The following PTPRD variants were observed in gnomAD, a reference collection of about 807,000 sequenced individuals.
PTPRD encodes the protein receptor-type tyrosine-protein phosphatase delta.
In PTPRD, 34 loss-of-function variants were observed where a neutral mutation model predicts 214.5. The observed-to-expected ratio is 0.16, with a 90% CI of 0.12 to 0.21. The LOEUF (loss-of-function observed/expected upper bound fraction) is 0.21, where lower values mean the gene tolerates loss of function less well. Ranked by LOEUF, PTPRD falls within the 10% of genes least tolerant of loss-of-function variation. The pLI, the probability that PTPRD is intolerant of heterozygous loss-of-function variation, is 1.00. For missense variants in PTPRD, 2,545 were observed against 2,398.7 expected (o/e 1.06, Z -1.27); for synonymous variants, 1,128 against 845.7 (o/e 1.33, Z -5.79).
At chr9:10,443,767 G>A (rs2098778205) in intron 2 of PTPRD, among the ~76,000 whole-genome samples, 2 of 150,838 alleles carry the variant, frequency 1.3e-5, no homozygotes, top group South Asian at 4.2e-4. Context: ...ATTTCATAAA[G>A]TGCCTGGCTT....
intron 8 of PTPRD, among the ~76,000 whole-genome samples, chr9:9,522,903 G>C (rs1392631999): frequency 2.6e-5 from 4 of 152,064 alleles, no homozygotes; most frequent in Non-Finnish European, 4.4e-5. Context: ...TTTACAACCT[G>C]AAAACACAGC....
At chr9:10,195,584 T>G (rs1176283089) in intron 3 of PTPRD, among the ~76,000 whole-genome samples, 1 of 152,202 alleles carries the variant, frequency 6.6e-6, no homozygotes, top group Non-Finnish European at 1.5e-5. Flanking sequence ...GGCTCACGCC[T>G]GTGATCCCAG....
At chr9:10,387,182 T>G (rs1013847684) in intron 2 of PTPRD, among the ~76,000 whole-genome samples, 1 of 151,864 alleles carries the variant, frequency 6.6e-6, no homozygotes, top group African/African-American at 2.4e-5. Flanking sequence ...GGTAATAAAT[T>G]TGTGTTGTTT....
At chr9:10,208,358 C>A (rs2099495658) in intron 3 of PTPRD, among the ~76,000 whole-genome samples, 1 of 152,178 alleles carries the variant, frequency 6.6e-6, no homozygotes, top group South Asian at 2.1e-4. Context: ...ACTAAAAATA[C>A]AAAAAATTAG....
chr9:8,804,390 A>T (rs1278570374), intron 11 of PTPRD, among the ~76,000 whole-genome samples: 2 of 151,926 alleles, frequency 1.3e-5, no homozygotes, highest in Non-Finnish European at 2.9e-5. Flanking sequence ...TAGAACCCAC[A>T]AATTTGAGAC....
chr9:9,162,259 C>A (rs1433659659), intron 10 of PTPRD, among the ~76,000 whole-genome samples: 4 of 152,088 alleles, frequency 2.6e-5, no homozygotes, highest in African/African-American at 9.7e-5. Context: ...GATTGCTAAT[C>A]TTACCCAGGC....
intron 14 of PTPRD, among the ~76,000 whole-genome samples, chr9:8,535,335 C>A (rs1199021844): frequency 6.6e-6 from 1 of 151,874 alleles, no homozygotes; most frequent in Non-Finnish European, 1.5e-5. Flanking sequence ...TATCTAGACA[C>A]GCAACTAAAT....
intron 5 of PTPRD, among the ~76,000 whole-genome samples, chr9:9,768,575 C>CT (rs749286101): frequency 0.014 from 2,187 of 151,186 alleles, 61 homozygotes; most frequent in African/African-American, 0.046. Context: ...AATGGCAGTA[C>CT]TTTTTTTTTG....
At chr9:10,379,780 A>T (rs528455356) in intron 2 of PTPRD, among the ~76,000 whole-genome samples, 165 of 152,192 alleles carry the variant, frequency 1.1e-3, no homozygotes, top group Non-Finnish European at 1.8e-3. Flanking sequence ...AACATAATGT[A>T]GTTTGAACTA....
chr9:8,635,319 C>T (rs1256736125), intron 13 of PTPRD, among the ~76,000 whole-genome samples: 1 of 151,462 alleles, frequency 6.6e-6, no homozygotes, highest in Non-Finnish European at 1.5e-5. Flanking sequence ...TCAAACTTCT[C>T]TTTGACAAAA....
intron 2 of PTPRD, among the ~76,000 whole-genome samples, chr9:10,381,460 G>T (rs187571505): frequency 6.6e-6 from 1 of 152,104 alleles, no homozygotes; most frequent in East Asian, 1.9e-4. Context: ...TTTCAATAGA[G>T]TGAAATGGGT....
chr9:9,967,121 T>C (rs1391459306), intron 4 of PTPRD, among the ~76,000 whole-genome samples: 1 of 152,186 alleles, frequency 6.6e-6, no homozygotes, highest in South Asian at 2.1e-4. Flanking sequence ...AGTTCTGTAG[T>C]CAGTCTGCCT....
chr9:10,388,807 G>C (rs115300447), intron 2 of PTPRD, among the ~76,000 whole-genome samples: 1 of 151,668 alleles, frequency 6.6e-6, no homozygotes, highest in Non-Finnish European at 1.5e-5. Flanking sequence ...GGAAGTGTGA[G>C]GAATAGAGGT....
intron 8 of PTPRD, among the ~76,000 whole-genome samples, chr9:9,513,969 G>A (rs1431332225): frequency 6.6e-6 from 1 of 152,014 alleles, no homozygotes; most frequent in Non-Finnish European, 1.5e-5. Context: ...ACCAGTTTCA[G>A]GCCAGAAAGG....
chr9:10,311,640 T>G (rs1276198804), intron 3 of PTPRD, among the ~76,000 whole-genome samples: 3 of 152,058 alleles, frequency 2.0e-5, no homozygotes, highest in Admixed American at 1.3e-4. Context: ...AAATGAAAAT[T>G]AAAGCACATA....
At chr9:8,898,663 G>T (rs12551769) in intron 11 of PTPRD, among the ~76,000 whole-genome samples, 1 of 151,930 alleles carries the variant, frequency 6.6e-6, no homozygotes, top group African/African-American at 2.4e-5. Context: ...GACTTGGCAC[G>T]AATAAGATCT....
intron 5 of PTPRD, among the ~76,000 whole-genome samples, chr9:9,870,850 G>T (rs2065229524): frequency 6.6e-6 from 1 of 152,090 alleles, no homozygotes; most frequent in African/African-American, 2.4e-5. Context: ...CTTAACAATT[G>T]TTGAGCCTGG....
intron 2 of PTPRD, among the ~76,000 whole-genome samples, chr9:10,437,716 T>C (rs950196626): frequency 5.9e-5 from 9 of 151,506 alleles, no homozygotes; most frequent in Non-Finnish European, 1.3e-4. Flanking sequence ...AAGGGTGACA[T>C]GGTTCTATCT....
chr9:9,637,694 T>C (rs866992152), intron 7 of PTPRD, among the ~76,000 whole-genome samples: 1 of 152,212 alleles, frequency 6.6e-6, no homozygotes, highest in Middle Eastern at 3.4e-3. Flanking sequence ...GGCTCTATAG[T>C]TCTGGGGTCT....
Sources: gnomAD v4.1 joint callset for allele counts (sites outside exome capture counted in the v4.1 genomes callset) on GRCh38, gnomAD v4.1.1 for gene constraint, MANE v1.5 for transcripts, NCBI Gene and HGNC (gene_info 2026-07-23, HGNC 2026-07-21) for gene names.